NRP2: variants seen among roughly 807,000 people sequenced by gnomAD.
NRP2 encodes the protein neuropilin-2.
Under a neutral mutation model 110.4 loss-of-function variants are expected in NRP2, and 52 were observed. The ratio of observed to expected loss-of-function variants is 0.47; its 90% confidence interval spans 0.38 to 0.59. The LOEUF is 0.59. NRP2 is among the 20% of genes least tolerant of loss of function. The pLI is 0.00. For synonymous variants in NRP2, 508 were observed against 468.9 expected (o/e 1.08, Z -1.08); for missense variants, 1,049 against 1,203.0 (o/e 0.87, Z 1.89).
At chr2:205,790,786 G>A (rs191049979) in intron 15 of NRP2, among the ~76,000 whole-genome samples, 26 of 152,196 alleles carry the variant, frequency 1.7e-4, no homozygotes, top group Non-Finnish European at 2.9e-4. Flanking sequence ...CTGCTCTGTT[G>A]GGGCCTGGAG....
intron 11 of NRP2, among the ~76,000 whole-genome samples, chr2:205,751,001 A>C (rs2057634480): frequency 6.6e-6 from 1 of 152,202 alleles, no homozygotes; most frequent in Non-Finnish European, 1.5e-5. Context: ...GGTGGGGGAC[A>C]CTGTTGGTCG....
chr2:205,696,161 G>A (rs1009006961), intron 1 of NRP2, among the ~76,000 whole-genome samples: 23 of 152,184 alleles, frequency 1.5e-4, no homozygotes, highest in African/African-American at 4.8e-4. Flanking sequence ...CGTGTGCAGC[G>A]TGCCCATCTT....
At chr2:205,781,410 T>G (rs2058172160) in intron 15 of NRP2, among the ~76,000 whole-genome samples, 1 of 152,272 alleles carries the variant, frequency 6.6e-6, no homozygotes, top group Non-Finnish European at 1.5e-5. Context: ...CCTGGTTCTT[T>G]GTGATGGTTT....
At chr2:205,718,942 C>CAA (rs10701288) in intron 3 of NRP2, among the ~76,000 whole-genome samples, 68,537 of 143,502 alleles carry the variant, frequency 0.48, 16,651 homozygotes, top group Middle Eastern at 0.61. Context: ...AATTCCATCT[C>CAA]AAAAAAAAAA....
chr2:205,743,700 T>C, intron 9 of NRP2, 148 bp downstream of exon 9: 2 of 1,436,964 alleles, frequency 1.4e-6, no homozygotes, highest in Non-Finnish European at 1.8e-6. Context: ...GAGAGATTAC[T>C]TTGTGCCAGG....
chr2:205,795,994 T>G lies in NRP2; in HGVS notation c.*936T>G, dbSNP rs1260497466. ...TACACACATACACATATTCTTCAGG[T>G]CTCTAAGCCCCTGGAAGCAGCATTG... is the stretch of plus-strand genomic sequence containing the variant. On this transcript the variant is annotated 3_prime_UTR_variant, in exon 17 of 17. Coordinates refer to ENST00000357785, the MANE Select transcript of NRP2 (RefSeq NM_003872.3). The G allele has an allele frequency of 6.6e-6, 1 of 152,096 alleles. No individual in the cohort carries two copies. Among genetic ancestry groups the G allele is most frequent in the Non-Finnish European group, 1.5e-5 (1 of 68,012 alleles). The allele number at this position is 152,096 out of a possible 1,614,324, so 9.4% of individuals were successfully genotyped here.
At chr2:205,684,864 T>A (rs997569632) in intron 1 of NRP2, among the ~76,000 whole-genome samples, 1 of 152,244 alleles carries the variant, frequency 6.6e-6, no homozygotes, top group South Asian at 2.1e-4. Context: ...ATTCGCTGTG[T>A]GTGTGTGCAC....
intron 2 of NRP2, among the ~76,000 whole-genome samples, chr2:205,706,779 G>C (rs1355579377): frequency 6.6e-6 from 1 of 152,106 alleles, no homozygotes; most frequent in African/African-American, 2.4e-5. Context: ...TCTTCTTGGG[G>C]GCCTTTTCTG....
intron 8 of NRP2, among the ~76,000 whole-genome samples, chr2:205,742,673 C>A (rs1230072176): frequency 2.0e-5 from 3 of 152,282 alleles, no homozygotes; most frequent in African/African-American, 7.2e-5. Flanking sequence ...TTCTACTTGG[C>A]AAAACAATTA....
At chr2:205,794,169 G>T (rs943744230) in intron 16 of NRP2, among the ~76,000 whole-genome samples, 2 of 152,142 alleles carry the variant, frequency 1.3e-5, no homozygotes, top group African/African-American at 4.8e-5. Flanking sequence ...GGAGTGCAGT[G>T]GCGCAATCTC....
Position 205,686,526 on chromosome 2 carries a change from G to C in NRP2, c.73+3163G>C, listed in dbSNP as rs1480501946. Among the ~76,000 whole-genome samples the C allele has an allele frequency of 1.3e-5, 2 of 152,226 alleles. No individual in the cohort carries two copies. The highest frequency in any genetic ancestry group is 2.1e-4 in the South Asian group (1 of 4,822). On this transcript the variant is annotated intron_variant, in intron 1 of 16. Transcript: ENST00000357785. This position sits in a 1 kb window ranked among gnomAD's most constrained non-coding sequence, Gnocchi z 4.7. Reference sequence around the variant, plus strand: ...AAGGGCTGCCCCCGCCCTTCGACTCGGGCTGGCTGTGCCGGGGGTCTTTCC... The same window carrying C: ...AAGGGCTGCCCCCGCCCTTCGACTCCGGCTGGCTGTGCCGGGGGTCTTTCC...
At chr2:205,728,819 T>C (rs956391359) in intron 7 of NRP2, among the ~76,000 whole-genome samples, 14 of 152,240 alleles carry the variant, frequency 9.2e-5, no homozygotes, top group Middle Eastern at 3.4e-3. Flanking sequence ...GTGGGTAGGA[T>C]TGGGGTATCT....
At chr2:205,736,598 C>T (rs370071612) in intron 7 of NRP2, among the ~76,000 whole-genome samples, 4 of 152,288 alleles carry the variant, frequency 2.6e-5, no homozygotes, top group African/African-American at 9.6e-5. Context: ...CTGGCTTACA[C>T]GCTAACATTT....
chr2:205,720,195 A>G (rs1317596737), intron 3 of NRP2, among the ~76,000 whole-genome samples: 2 of 151,792 alleles, frequency 1.3e-5, no homozygotes, highest in African/African-American at 2.4e-5. Flanking sequence ...AAGTTTTTCC[A>G]CCGCCTTCAA....
At chr2:205,746,089 T>C (rs570569303) in intron 10 of NRP2, among the ~76,000 whole-genome samples, 199 bp downstream of exon 10, 1 of 152,274 alleles carries the variant, frequency 6.6e-6, no homozygotes, top group South Asian at 2.1e-4. Context: ...GGGATGTACT[T>C]TGTCTTTTTT....
intron 8 of NRP2, among the ~76,000 whole-genome samples, chr2:205,742,773 G>A (rs187243918): frequency 6.6e-6 from 1 of 152,326 alleles, no homozygotes; most frequent in Non-Finnish European, 1.5e-5. Flanking sequence ...ACAGGGATGT[G>A]CAGACACACA....
At chr2:205,711,580 A>G (rs554013054) in intron 2 of NRP2, among the ~76,000 whole-genome samples, 1 of 152,322 alleles carries the variant, frequency 6.6e-6, no homozygotes, top group African/African-American at 2.4e-5. Flanking sequence ...CTCACCATAT[A>G]CAAAATGTCT....
chr2:205,779,167 G>C (rs757847177), intron 15 of NRP2: 25 of 152,226 alleles, frequency 1.6e-4, no homozygotes, highest in Non-Finnish European at 3.4e-4. Context: ...GAGTGAATGA[G>C]TTGAAGGCCT....
Position 205,795,694 on chromosome 2 carries a change from T to C in NRP2, c.*636T>C, listed in dbSNP as rs1370045928. On this transcript the variant is annotated 3_prime_UTR_variant, in exon 17 of 17. Coordinates refer to ENST00000357785, the MANE Select transcript of NRP2 (RefSeq NM_003872.3). ...TAAGTAGGATGTTGTTGCCTTTAAC[T>C]TTTCTTATCCAGGGGAAAATTGCCA... is the stretch of plus-strand genomic sequence containing the variant. The C allele has an allele frequency of 6.6e-6, 1 of 152,634 alleles. No homozygotes were observed. The highest frequency in any genetic ancestry group is 1.5e-5 in the Non-Finnish European group (1 of 68,042). The allele number at this position is 152,634 out of a possible 1,614,324, so 9.5% of individuals were successfully genotyped here.
Sources: gnomAD v4.1 joint callset for allele counts (sites outside exome capture counted in the v4.1 genomes callset) on GRCh38, gnomAD v4.1.1 for gene constraint, Gnocchi (gnomAD v3.1) non-coding constraint, MANE v1.5 for transcripts, NCBI Gene and HGNC (gene_info 2026-07-23, HGNC 2026-07-21) for gene names.